Variants in ZBBX observed in about 807,000 individuals in gnomAD.
ZBBX encodes zinc finger B-box domain containing, also known as zinc finger B-box domain-containing protein 1.
In ZBBX, 101 loss-of-function variants were observed where a neutral mutation model predicts 108.5. That is an observed-to-expected ratio of 0.93 (90% CI 0.79 to 1.10). ZBBX has a LOEUF of 1.10. Ranked by LOEUF, ZBBX falls within the 50% of genes least tolerant of loss-of-function variation. ZBBX has a pLI of 0.00. For synonymous variants in ZBBX, 356 were observed against 323.4 expected (o/e 1.10, Z -1.08); for missense variants, 1,009 against 941.4 (o/e 1.07, Z -0.94).
At chr3:167,190,490 C>T in the ZBBX span, among the ~76,000 whole-genome samples, 2 of 151,584 alleles carry the variant, frequency 1.3e-5, no homozygotes, top group African/African-American at 4.8e-5. Flanking sequence ...ATGCCATTCT[C>T]CCGCCTCATT....
rs61671930 is a variant in ZBBX at position 167,397,142 on chromosome 3, TAAA to T, written c.-446+10581_-446+10583del. 7.9e-4 allele frequency among the ~76,000 whole-genome samples: 57 copies of T among 72,404 alleles called. 1 individual carries two copies. The highest frequency in any genetic ancestry group is 2.0e-3 in the African/African-American group (37 of 18,710). 47.5% of individuals were successfully genotyped at this position (72,404 alleles called of 152,430 possible). A position where few individuals can be genotyped will look rare whatever the true frequency, so the allele number is the denominator to read the frequency against. ...GTCGTGAAGAAGAGGTTCTTGGTGG[TAAA>T]AAAAAAAAAAAAAAAAAAAAATCTG... On this transcript the variant is annotated intron_variant, in intron 1 of 21. Coordinates refer to the ZBBX transcript ENST00000455345.
At chr3:167,269,138 T>C (rs1201690687) in intron 20 of ZBBX, among the ~76,000 whole-genome samples, 17 of 152,176 alleles carry the variant, frequency 1.1e-4, no homozygotes, top group Admixed American at 1.1e-3. Flanking sequence ...TCTGTCTCTT[T>C]TACTTCAAGT....
intron 9 of ZBBX, among the ~76,000 whole-genome samples, chr3:167,341,118 G>A (rs1346074711): frequency 6.6e-6 from 1 of 151,804 alleles, no homozygotes; most frequent in East Asian, 1.9e-4. Flanking sequence ...TTAAAAGACT[G>A]TTAGATTAAC....
intron 19 of ZBBX, among the ~76,000 whole-genome samples, chr3:167,283,319 A>G (rs1192915012): frequency 6.6e-6 from 1 of 152,202 alleles, no homozygotes; most frequent in Non-Finnish European, 1.5e-5. Context: ...TAAGGCCAAG[A>G]CAGTTTTCAA....
intron 11 of ZBBX, among the ~76,000 whole-genome samples, chr3:167,323,491 C>T (rs1736837049): frequency 6.6e-6 from 1 of 152,040 alleles, no homozygotes; most frequent in East Asian, 1.9e-4. Context: ...ATAATATTTG[C>T]TGGGAGGAGA....
At chr3:167,360,252 G>T (rs1476991789) in intron 7 of ZBBX, among the ~76,000 whole-genome samples, 1 of 148,858 alleles carries the variant, frequency 6.7e-6, no homozygotes, top group Admixed American at 6.7e-5. Context: ...ATTTCCTTGG[G>T]AATTATTATA....
chr3:167,275,982 A>G (rs1001801860), intron 20 of ZBBX, among the ~76,000 whole-genome samples: 3 of 152,098 alleles, frequency 2.0e-5, no homozygotes, highest in Admixed American at 2.0e-4. Context: ...CTGACCCCCA[A>G]GCAGCCTAAC....
chr3:167,382,764 A>G (rs1490565981), upstream of ZBBX, among the ~76,000 whole-genome samples: 1 of 152,180 alleles, frequency 6.6e-6, no homozygotes, highest in Non-Finnish European at 1.5e-5. Flanking sequence ...TCTTATCATT[A>G]ACTATTGATA....
chr3:167,356,748 C>G (rs1743644413), intron 8 of ZBBX, among the ~76,000 whole-genome samples: 2 of 152,126 alleles, frequency 1.3e-5, no homozygotes, highest in Non-Finnish European at 2.9e-5. Context: ...GTGAACAAAA[C>G]TACACTCCTA....
At chr3:167,361,345 G>A (rs1050320400) in intron 6 of ZBBX, among the ~76,000 whole-genome samples, 14 of 152,208 alleles carry the variant, frequency 9.2e-5, no homozygotes, top group African/African-American at 3.1e-4. Flanking sequence ...ATTTTAGGAA[G>A]TAAAATACTC....
intron 8 of ZBBX, among the ~76,000 whole-genome samples, chr3:167,358,926 A>G (rs1019783248): frequency 1.7e-5 from 2 of 117,500 alleles, no homozygotes; most frequent in Non-Finnish European, 1.7e-5. Context: ...ACAGAGCAAG[A>G]CTCCATCTCA....
intron 18 of ZBBX, among the ~76,000 whole-genome samples, chr3:167,298,077 G>T (rs893209521): frequency 6.6e-6 from 1 of 151,904 alleles, no homozygotes; most frequent in Non-Finnish European, 1.5e-5. Flanking sequence ...ACACTAAAAG[G>T]TCTAAAATAA....
chr3:167,404,976 A>C (rs1748539134), intron 1 of ZBBX, among the ~76,000 whole-genome samples: 1 of 152,144 alleles, frequency 6.6e-6, no homozygotes, highest in South Asian at 2.1e-4. Flanking sequence ...AAAATAATAG[A>C]AACTGGTCAC....
chr3:167,345,053 T>C (rs75183283), intron 9 of ZBBX, among the ~76,000 whole-genome samples: 2 of 151,880 alleles, frequency 1.3e-5, no homozygotes, highest in Non-Finnish European at 2.9e-5. Context: ...CAATCCTTGG[T>C]TAAAAATTCC....
the ZBBX span, among the ~76,000 whole-genome samples, chr3:167,188,826 G>A: frequency 5.9e-5 from 9 of 152,208 alleles, no homozygotes; most frequent in African/African-American, 2.2e-4. Flanking sequence ...GGTGGAAAAG[G>A]TAAAGGGTGT....
chr3:167,302,202 C>T (rs1175419217), intron 17 of ZBBX, among the ~76,000 whole-genome samples: 1 of 151,944 alleles, frequency 6.6e-6, no homozygotes, highest in Non-Finnish European at 1.5e-5. Flanking sequence ...GTATGTGGTT[C>T]AAAATATGTT....
At chr3:167,307,847 A>G (rs1733924621) in intron 16 of ZBBX, among the ~76,000 whole-genome samples, 1 of 152,202 alleles carries the variant, frequency 6.6e-6, no homozygotes, top group Non-Finnish European at 1.5e-5. Flanking sequence ...GTAAATCCCA[A>G]AACTATGAAA....
intron 12 of ZBBX, among the ~76,000 whole-genome samples, chr3:167,318,405 T>C (rs1412101328): frequency 6.6e-6 from 1 of 151,972 alleles, no homozygotes; most frequent in Non-Finnish European, 1.5e-5. Flanking sequence ...AAATAGGCAC[T>C]AGTATGATCT....
intron 17 of ZBBX, among the ~76,000 whole-genome samples, chr3:167,302,887 T>C (rs1560095682): frequency 6.6e-6 from 1 of 152,208 alleles, no homozygotes; most frequent in Non-Finnish European, 1.5e-5. Context: ...AATTATTTTA[T>C]ACTGGGCAGT....
Sources: gnomAD v4.1 joint callset for allele counts (sites outside exome capture counted in the v4.1 genomes callset) on GRCh38, gnomAD v4.1.1 for gene constraint, MANE v1.5 for transcripts, NCBI Gene and HGNC (gene_info 2026-07-23, HGNC 2026-07-21) for gene names.